The following OSBPL6 variants were observed in gnomAD, a reference collection of about 807,000 sequenced individuals.
OSBPL6 encodes oxysterol-binding protein-related protein 6.
Under a neutral mutation model 125.8 loss-of-function variants are expected in OSBPL6, and 49 were observed. The ratio of observed to expected loss-of-function variants is 0.39; its 90% CI spans 0.31 to 0.49. The LOEUF (loss-of-function observed/expected upper bound fraction) is 0.49, where lower values mean the gene tolerates loss of function less well. OSBPL6 is among the 20% of genes least tolerant of loss of function. The probability of loss-of-function intolerance (pLI) is 0.88; values close to 1 mark genes in which losing one functional copy is unlikely to be tolerated. For missense variants in OSBPL6, 986 were observed against 1,135.4 expected, an observed-to-expected ratio of 0.87 and a Z score of 1.89; for synonymous variants, 394 against 391.8, an observed-to-expected ratio of 1.01 and a Z score of -0.07.
chr2:178,322,349 C>G (rs558392807), intron 3 of OSBPL6, among the ~76,000 whole-genome samples: 2 of 152,168 alleles, frequency 1.3e-5, no homozygotes, highest in African/African-American at 4.8e-5. Context: ...ATCAGAGATA[C>G]CTGACTGGAA....
chr2:178,249,827 G>GTT (rs34986231), intron 1 of OSBPL6, among the ~76,000 whole-genome samples: 1,904 of 119,444 alleles, frequency 0.016, 34 homozygotes, highest in African/African-American at 0.053. Context: ...AACTAGAAGT[G>GTT]TTTTTTTTTT....
At chr2:178,389,281 G>A in intron 21 of OSBPL6, 128 bp downstream of exon 21, 2 of 948,984 alleles carry the variant, frequency 2.1e-6, no homozygotes, top group Non-Finnish European at 3.0e-6. Context: ...GGACATTTTA[G>A]ATAAGAAAGC....
intron 1 of OSBPL6, among the ~76,000 whole-genome samples, chr2:178,198,535 G>C (rs959659478): frequency 6.6e-6 from 1 of 151,604 alleles, no homozygotes; most frequent in Non-Finnish European, 1.5e-5. Context: ...GACCTCATGA[G>C]GTCTGACCCA....
intron 1 of OSBPL6, among the ~76,000 whole-genome samples, chr2:178,281,278 G>A (rs1304387610): frequency 6.6e-6 from 1 of 152,152 alleles, no homozygotes; most frequent in Non-Finnish European, 1.5e-5. Flanking sequence ...CTCCCAAAGT[G>A]CTGGGATTAC....
intron 20 of OSBPL6, among the ~76,000 whole-genome samples, 159 bp downstream of exon 20, chr2:178,387,298 T>G (rs1695029134): frequency 6.6e-6 from 1 of 152,218 alleles, no homozygotes; most frequent in African/African-American, 2.4e-5. Context: ...CAAAAACAAA[T>G]GAGAACTTAA....
chr2:178,239,236 A>G (rs1175478799), intron 1 of OSBPL6, among the ~76,000 whole-genome samples: 1 of 152,218 alleles, frequency 6.6e-6, no homozygotes, highest in Non-Finnish European at 1.5e-5. Flanking sequence ...ATTATGTTAT[A>G]TGAAATAGAA....
Position 178,226,081 on chromosome 2 carries a change from G to A in OSBPL6, c.-351+31407G>A, listed in dbSNP as rs1011172361. Among the ~76,000 whole-genome samples, 3 of 152,354 alleles carry A rather than the reference G, an allele frequency of 2.0e-5. No individual in the cohort carries two copies. The East Asian group carries it at 5.8e-4, about 29-fold the overall frequency. The stretch of plus-strand genomic sequence containing the variant: ...ACCTTTTCTGGGCCATAAGCAGCAA[G>A]GGAGGAAGCTGTGTTCCTAGGGCCC... On this transcript the variant is annotated intron_variant, in intron 1 of 24. Coordinates refer to ENST00000190611, the MANE Select transcript of OSBPL6 (RefSeq NM_032523.4).
chr2:178,301,537 A>G (rs1008270009), intron 2 of OSBPL6, among the ~76,000 whole-genome samples: 1 of 152,210 alleles, frequency 6.6e-6, no homozygotes, highest in Admixed American at 6.5e-5. Flanking sequence ...AACAAGGGTT[A>G]TCTCTCAGTG....
At chr2:178,324,122 A>T (rs1257264277) in intron 3 of OSBPL6, 55 bp from the exon 4 acceptor site, 3 of 1,170,152 alleles carry the variant, frequency 2.6e-6, no homozygotes, top group Non-Finnish European at 3.6e-6. Flanking sequence ...CCCCATGCAC[A>T]TTCACATGAA....
At chr2:178,314,022 A>G (rs141461516) in intron 3 of OSBPL6, among the ~76,000 whole-genome samples, 7 of 152,368 alleles carry the variant, frequency 4.6e-5, no homozygotes, top group African/African-American at 1.7e-4. Flanking sequence ...TTGTTGAACA[A>G]ACAGGCTAAT....
At chr2:178,312,332 T>A (rs1488118576) in intron 3 of OSBPL6, among the ~76,000 whole-genome samples, 17 of 151,344 alleles carry the variant, frequency 1.1e-4, no homozygotes, top group Non-Finnish European at 2.1e-4. Flanking sequence ...GCTAACTTTG[T>A]ATTTTTAGTA....
At chr2:178,367,443 T>G (rs1692943842) in intron 13 of OSBPL6, among the ~76,000 whole-genome samples, 1 of 152,226 alleles carries the variant, frequency 6.6e-6, no homozygotes. Flanking sequence ...TTATGATGAT[T>G]TCATCTTGCC....
At chr2:178,273,453 G>A (rs1422391758) in intron 1 of OSBPL6, among the ~76,000 whole-genome samples, 2 of 152,028 alleles carry the variant, frequency 1.3e-5, no homozygotes, top group Non-Finnish European at 2.9e-5. Flanking sequence ...GGTGGTGCAT[G>A]CCTGTATTCC....
At chr2:178,213,644 TCACTATGTG>T in intron 1 of OSBPL6, among the ~76,000 whole-genome samples, 1 of 152,208 alleles carries the variant, frequency 6.6e-6, no homozygotes, top group Non-Finnish European at 1.5e-5. Flanking sequence ...TCTGATCATG[TCACTATGTG>T]CTTAAACACG....
chr2:178,319,192 C>G (rs1688029168), intron 3 of OSBPL6, among the ~76,000 whole-genome samples: 1 of 152,088 alleles, frequency 6.6e-6, no homozygotes, highest in Non-Finnish European at 1.5e-5. Context: ...GCTCTCAGTT[C>G]TGGAAAATTA....
At position 178,324,283 on chromosome 2, in the gene OSBPL6, T is replaced by C; in HGVS notation, c.195+14T>C. 2 of 1,540,944 alleles carry C rather than the reference T, an allele frequency of 1.3e-6. No homozygotes were observed. The stretch of plus-strand genomic sequence containing the variant: ...CCCCTCTCCAAGGTCAGTGATGAAA[T>C]GCGGTGCTTTCTCTGCTGGCATGAT... On this transcript the variant is annotated intron_variant, in intron 4 of 24. Transcript: ENST00000190611.
At chr2:178,338,933 C>T in intron 9 of OSBPL6, 58 bp from the exon 10 acceptor site, 6 of 1,211,282 alleles carry the variant, frequency 5.0e-6, no homozygotes, top group Non-Finnish European at 6.0e-6. Context: ...CCTTTTATTA[C>T]CATCCCCACC....
At chr2:178,198,861 C>A (rs2089072469) in intron 1 of OSBPL6, among the ~76,000 whole-genome samples, 1 of 151,992 alleles carries the variant, frequency 6.6e-6, no homozygotes. Flanking sequence ...GAAATAGTAC[C>A]CCCAAAGGTA....
At chr2:178,272,348 C>T (rs1006585000) in intron 1 of OSBPL6, among the ~76,000 whole-genome samples, 34 of 152,126 alleles carry the variant, frequency 2.2e-4, no homozygotes, top group Non-Finnish European at 1.0e-4. Flanking sequence ...GTAATTTTTG[C>T]ATTTTGGTAC....
Sources: allele counts gnomAD v4.1 joint callset (sites outside exome capture counted in the v4.1 genomes callset), GRCh38; gene constraint gnomAD v4.1.1; transcripts MANE v1.5; gene names NCBI Gene and HGNC (gene_info 2026-07-23, HGNC 2026-07-21).